The following ELF1 variants were observed in gnomAD, a reference collection of about 807,000 sequenced individuals.
ELF1 encodes E74 like ETS transcription factor 1.
ELF1 carries 24 observed loss-of-function variants against 59.9 expected under a neutral mutation model. The observed-to-expected ratio is 0.40, with a 90% CI of 0.29 to 0.56. ELF1 has a LOEUF of 0.56. Among genes scored for constraint, ELF1 ranks in the 20% least tolerant of loss-of-function variants. The pLI, the probability that ELF1 is intolerant of heterozygous loss-of-function variation, is 0.44. For synonymous variants in ELF1, 248 were observed against 266.2 expected, an observed-to-expected ratio of 0.93 and a Z score of 0.67; for missense variants, 627 against 742.2, an observed-to-expected ratio of 0.84 and a Z score of 1.80.
At chr13:40,987,570 G>A (rs1873620414) in intron 1 of ELF1, among the ~76,000 whole-genome samples, 1 of 108,560 alleles carries the variant, frequency 9.2e-6, no homozygotes, top group Non-Finnish European at 1.7e-5. Context: ...GGGCAACAGA[G>A]CAAGACTCTG....
intron 1 of ELF1, among the ~76,000 whole-genome samples, chr13:41,055,494 G>A (rs1877251055): frequency 6.6e-6 from 1 of 151,302 alleles, no homozygotes; most frequent in Non-Finnish European, 1.5e-5. Flanking sequence ...ACTCAGATAT[G>A]GATTTTGAAC....
At chr13:40,963,835 G>T (rs1173283658) in intron 2 of ELF1, among the ~76,000 whole-genome samples, 3 of 152,086 alleles carry the variant, frequency 2.0e-5, no homozygotes, top group Admixed American at 1.3e-4. Context: ...TAACCCAGGA[G>T]GCAGAGGTTG....
At position 40,932,392 on chromosome 13, in the gene ELF1, C is replaced by G. The variant is rs1282609014; in HGVS notation, c.*1033G>C. 7.7e-6 allele frequency: 1 copy of G among 130,114 alleles called. No individual in the cohort carries two copies. The highest frequency in any genetic ancestry group is 1.6e-5 in the Non-Finnish European group (1 of 63,816). The allele number at this position is 130,114 out of a possible 1,614,324, so 8.1% of individuals were successfully genotyped here. On this transcript the variant is annotated 3_prime_UTR_variant, in exon 9 of 9. Transcript: ENST00000239882. ...AAAGCAATTATGCTTTTATAACTGA[C>G]TACTCAGCCAGATTAGCCCAAGGCT...
intron 1 of ELF1, chr13:40,993,203 T>A: frequency 6.5e-7 from 1 of 1,534,900 alleles, no homozygotes; most frequent in Non-Finnish European, 9.0e-7. Context: ...TCTTCATTCC[T>A]AACAGTGAGG....
At chr13:40,955,479 G>A (rs1871244703) in intron 3 of ELF1, among the ~76,000 whole-genome samples, 1 of 117,178 alleles carries the variant, frequency 8.5e-6, no homozygotes, top group Non-Finnish European at 1.9e-5. Context: ...GGGCGCCTCT[G>A]CCCGGCCGCC....
chr13:40,954,572 C>A (rs928868977), intron 3 of ELF1, among the ~76,000 whole-genome samples: 2 of 151,874 alleles, frequency 1.3e-5, no homozygotes, highest in African/African-American at 4.8e-5. Flanking sequence ...CTCAGCCTGC[C>A]GAGTGCCTGC....
intron 2 of ELF1, among the ~76,000 whole-genome samples, chr13:40,968,593 G>C (rs566285475): frequency 6.6e-6 from 1 of 152,054 alleles, no homozygotes; most frequent in East Asian, 1.9e-4. Context: ...CCAAAGCCCA[G>C]TACAAAGTTT....
chr13:40,967,435 T>A (rs573637047), intron 2 of ELF1, among the ~76,000 whole-genome samples: 1 of 152,228 alleles, frequency 6.6e-6, no homozygotes. Flanking sequence ...GGAATTGTTG[T>A]AAGAATAATG....
intron 1 of ELF1, among the ~76,000 whole-genome samples, chr13:41,034,205 T>G (rs1230893675): frequency 6.6e-6 from 1 of 151,834 alleles, no homozygotes; most frequent in African/African-American, 2.4e-5. Flanking sequence ...AAAAAAGAGA[T>G]TTGGGGGGAT....
At position 40,933,416 on chromosome 13, in the gene ELF1, G is replaced by A. The variant is rs759534401; in HGVS notation, c.*9C>T. On this transcript the variant is annotated 3_prime_UTR_variant, in exon 9 of 9. Coordinates refer to ENST00000239882, the MANE Select transcript of ELF1 (RefSeq NM_172373.4). ...AACAAACAATTATTCATAAGCTTTGGTATATTAACTAAAAAGAGTTGGGTT... is the reference window on the plus strand; with the variant it reads ...AACAAACAATTATTCATAAGCTTTGATATATTAACTAAAAAGAGTTGGGTT... The A allele has an allele frequency of 6.2e-7, 1 of 1,605,888 alleles. No individual in the cohort carries two copies. Among genetic ancestry groups the A allele is most frequent in the East Asian group, 2.2e-5 (1 of 44,786 alleles).
intron 1 of ELF1, among the ~76,000 whole-genome samples, chr13:40,985,894 T>C (rs896046328): frequency 7.2e-5 from 11 of 152,158 alleles, no homozygotes; most frequent in African/African-American, 2.7e-4. Flanking sequence ...TTTTTCAAAG[T>C]GTCAGTCTTT....
rs1873957417 is a variant in ELF1, at chr13:40,993,238, C to T, written c.-228-10956G>A. The T allele has an allele frequency of 1.9e-6, 3 of 1,577,562 alleles. No individual in the cohort carries two copies. In the Admixed American group the frequency reaches 5.0e-5, roughly 26 times the overall value. ...GCAGGAGCAGCTGCAACAACAGCACCAACAAAAGCAACAGATGTTGTTGGG... is the reference window on the plus strand; with the variant it reads ...GCAGGAGCAGCTGCAACAACAGCACTAACAAAAGCAACAGATGTTGTTGGG... On this transcript the variant is annotated intron_variant, in intron 1 of 8. Transcript: ENST00000239882.
At position 41,034,977 on chromosome 13, in the gene ELF1, C is replaced by T. The variant is rs138517808; in HGVS notation, c.-229+25861G>A. Among the ~76,000 whole-genome samples, 444 of 152,288 alleles carry T rather than the reference C, an allele frequency of 2.9e-3. 3 individuals are homozygous for T. The highest frequency in any genetic ancestry group is 0.01 in the African/African-American group (423 of 41,566). On this transcript the variant is annotated intron_variant, in intron 1 of 1. Coordinates refer to the ELF1 transcript ENST00000405737. The stretch of plus-strand genomic sequence containing the variant: ...GCATTGTCATGCTTTTTCACTCTAC[C>T]TTTTCAGGCCTTCTCCACCTACTGA...
intron 5 of ELF1, among the ~76,000 whole-genome samples, chr13:40,949,283 G>A (rs1425279880): frequency 1.3e-5 from 2 of 151,954 alleles, no homozygotes; most frequent in Non-Finnish European, 2.9e-5. Context: ...ACCGCACCTG[G>A]CCCAATACTT....
chr13:40,959,633 C>G (rs922437217), intron 2 of ELF1, among the ~76,000 whole-genome samples: 1 of 152,044 alleles, frequency 6.6e-6, no homozygotes, highest in Non-Finnish European at 1.5e-5. Flanking sequence ...AATCTGTGAG[C>G]TTAATATTAC....
intron 1 of ELF1, among the ~76,000 whole-genome samples, chr13:41,037,041 C>A (rs892990259): frequency 1.4e-4 from 21 of 151,812 alleles, no homozygotes; most frequent in Non-Finnish European, 2.6e-4. Context: ...CAACATGGCA[C>A]ATGTATACAT....
At chr13:41,053,257 G>T (rs1478017780) in intron 1 of ELF1, among the ~76,000 whole-genome samples, 1 of 152,044 alleles carries the variant, frequency 6.6e-6, no homozygotes, top group Non-Finnish European at 1.5e-5. Flanking sequence ...ATGAGGCTGA[G>T]GCATGAGAAT....
intron 1 of ELF1, among the ~76,000 whole-genome samples, chr13:40,991,215 T>C (rs905801649): frequency 1.3e-5 from 2 of 152,188 alleles, no homozygotes; most frequent in Admixed American, 1.3e-4. Flanking sequence ...GACAACTAAA[T>C]GTAATGTGGT....
At chr13:40,965,040 CTTAAT>C (rs1368979654) in intron 2 of ELF1, among the ~76,000 whole-genome samples, 1 of 152,288 alleles carries the variant, frequency 6.6e-6, no homozygotes, top group South Asian at 2.1e-4. Flanking sequence ...AATAATAGGA[CTTAAT>C]TTAATTTGGT....
Sources: allele counts gnomAD v4.1 joint callset (sites outside exome capture counted in the v4.1 genomes callset), GRCh38; gene constraint gnomAD v4.1.1; transcripts MANE v1.5; gene names NCBI Gene and HGNC (gene_info 2026-07-23, HGNC 2026-07-21).